The following COL1A1 variants were observed in gnomAD, a reference collection of about 807,000 sequenced individuals.
The protein encoded by COL1A1 is collagen type I alpha 1 chain.
A neutral mutation model predicts 195.7 loss-of-function variants in COL1A1; 21 were observed. That is an observed-to-expected ratio of 0.11 (90% CI 0.08 to 0.15). The LOEUF (loss-of-function observed/expected upper bound fraction) is 0.15. Ranked by LOEUF, COL1A1 falls within the 10% of genes least tolerant of loss-of-function variation. The pLI, the probability that COL1A1 is intolerant of heterozygous loss-of-function variation, is 1.00. For synonymous variants in COL1A1, 749 were observed against 747.3 expected (o/e 1.00, Z -0.04); for missense variants, 1,365 against 2,051.0 (o/e 0.67, Z 6.46).
At chr17:50,199,197 G>C in intron 5 of COL1A1, 29 bp downstream of exon 5, 3 of 1,439,214 alleles carry the variant, frequency 2.1e-6, no homozygotes, top group East Asian at 2.5e-5. Context: ...AAACAGGGGA[G>C]AGTGGACACA....
rs565562045 is a variant in COL1A1, at chr17:50,201,579, C to T, written c.-66G>A. 5.3e-4 allele frequency: 750 copies of T among 1,424,074 alleles called. 1 individual carries two copies. Among genetic ancestry groups the T allele is most frequent in the Non-Finnish European group, 6.6e-4 (689 of 1,047,062 alleles). 88.2% of individuals were successfully genotyped at this position (1,424,074 alleles called of 1,614,324 possible). Reference sequence around the variant, plus strand: ...GGGGTTAGCGTCCGCTCATGCGTGGCCTCACACTCCGCGTGCCTCCTGCTC... The same window carrying T: ...GGGGTTAGCGTCCGCTCATGCGTGGTCTCACACTCCGCGTGCCTCCTGCTC... On this transcript the variant is annotated 5_prime_UTR_variant, in exon 1 of 51. Transcript: ENST00000225964.
chr17:50,187,515 G>A lies in COL1A1; in HGVS notation c.3392C>T (p.Pro1131Leu). 1.9e-6 allele frequency: 3 copies of A among 1,614,080 alleles called. No homozygotes were observed. Among genetic ancestry groups the A allele is most frequent in the Non-Finnish European group, 1.7e-6 (2 of 1,180,008 alleles). The change falls in exon 46 of 51, where the codon CCC (proline) becomes CTC (leucine). Residue 1131 changes from proline (P) to leucine (L), a missense_variant. This residue lies in a region of COL1A1 where 671 missense variants were observed against 1,099.9 expected (regional missense o/e 0.61). Coordinates refer to ENST00000225964, the MANE Select transcript of COL1A1 (RefSeq NM_000088.4). The part of the protein sequence containing the change: ...GPPGSPGEQG[P>L]SGASGPAGPR... ...ACCAGCAGGACCAGAGGCTCCAGAG[G>A]GACCTTGTTCACCAGGAGAGCCCTG...
In COL1A1 at chr17:50,188,957, A is replaced by C. The variant is rs1300723574; in HGVS notation, c.2991T>G (p.Pro997=). ...PSGASGERGP[P]GPMGPPGLAG... ...CCAATCCAGGGGGGCCCATGGGACC[A>C]GGGGGACCACGTTCACCACTTGCTC... Residue 997 remains proline (P), a synonymous_variant, in exon 41 of 51, where the codon CCT becomes CCG. Transcript: ENST00000225964. This position sits in a 1 kb window ranked among gnomAD's most constrained non-coding sequence, Gnocchi z 5.6. 6.2e-7 allele frequency: 1 copy of C among 1,613,812 alleles called. No homozygotes were observed. Among genetic ancestry groups the C allele is most frequent in the Admixed American group, 1.7e-5 (1 of 60,014 alleles).
chr17:50,199,642 C>G (rs372452640), intron 2 of COL1A1, 52 bp from the exon 3 acceptor site: 17 of 1,613,080 alleles, frequency 1.1e-5, no homozygotes, highest in Non-Finnish European at 1.4e-5. Flanking sequence ...ATGCTGCTCC[C>G]GTCGGCAGAG....
At chr17:50,187,181 G>A in intron 46 of COL1A1, 59 bp from the exon 47 acceptor site, 7 of 1,376,742 alleles carry the variant, frequency 5.1e-6, no homozygotes, top group Non-Finnish European at 7.1e-6. Flanking sequence ...CCCCAGCTCT[G>A]GAGGAGAGGC....
rs1555574809 is a variant in COL1A1 at position 50,198,192 on chromosome 17, G to A, written c.557C>T (p.Pro186Leu). The part of the protein sequence containing the change: ...SVPGPMGPSG[P>L]RGLPGPPGAP... ...ACCAGGGGGGCCAGGGAGACCACGA[G>A]GACCAGAGGGACCCTATAGAGGGAG... Residue 186 changes from proline (P) to leucine (L), a missense_variant, in exon 7 of 51, where the codon CCT (proline) becomes CTT (leucine). Physicochemically the swap from Pro to Leu is moderately conservative, Grantham distance 98. Coordinates refer to ENST00000225964, the MANE Select transcript of COL1A1 (RefSeq NM_000088.4). 1 of 1,614,084 alleles carries A rather than the reference G, an allele frequency of 6.2e-7. No individual in the cohort carries two copies.
At position 50,187,555 on chromosome 17, in the gene COL1A1, A is replaced by G. The variant is rs1002020181; in HGVS notation, c.3370-18T>C. 1 of 1,613,840 alleles carries G rather than the reference A, an allele frequency of 6.2e-7. No homozygotes were observed. Among genetic ancestry groups the G allele is most frequent in the Non-Finnish European group, 8.5e-7 (1 of 1,179,916 alleles). On this transcript the variant is annotated intron_variant, in intron 45 of 50. Transcript: ENST00000225964. Reference sequence around the variant, plus strand: ...GGAGAGCCCTGAAGGACAGATAAAAAAGGCAGTTCAGGCCCAGTGAGCGTC... The same window carrying G: ...GGAGAGCCCTGAAGGACAGATAAAAGAGGCAGTTCAGGCCCAGTGAGCGTC...
rs774547182 is a variant in COL1A1 at position 50,186,902 on chromosome 17, T to A, written c.3552A>T (p.Gly1184=). 2 of 1,611,962 alleles carry A rather than the reference T, an allele frequency of 1.2e-6. No homozygotes were observed. The highest frequency in any genetic ancestry group is 1.7e-6 in the Non-Finnish European group (2 of 1,179,432). Residue 1184 remains glycine (G), a synonymous_variant, in exon 48 of 51, where the codon GGA becomes GGT. Coordinates refer to ENST00000225964, the MANE Select transcript of COL1A1 (RefSeq NM_000088.4). The surrounding 1 kb of genome is among the most constrained non-coding windows in gnomAD (Gnocchi z 5.3). The part of the protein sequence containing the change: ...AGPVGPPGPP[G]PPGPPGPPSA... The stretch of plus-strand genomic sequence containing the variant: ...TGGGAGGACCAGGGGGACCAGGAGG[T>A]CCAGGAGGGCCGGGGGGACCCTGCA...
In COL1A1 at chr17:50,195,409, G is replaced by A. The variant is rs1272348547; in HGVS notation, c.1200+25C>T. 1 of 1,614,098 alleles carries A rather than the reference G, an allele frequency of 6.2e-7. No individual in the cohort carries two copies. The highest frequency in any genetic ancestry group is 1.7e-5 in the Admixed American group (1 of 60,028). ...GGCAGGCTGCAGGCGGCAGGAGTGG[G>A]ACTGAAGCCTGGCAGGATACTTACA... On this transcript the variant is annotated intron_variant, in intron 18 of 50. Coordinates refer to ENST00000225964, the MANE Select transcript of COL1A1 (RefSeq NM_000088.4). This position sits in a 1 kb window ranked among gnomAD's most constrained non-coding sequence, Gnocchi z 4.3.
At chr17:50,200,103 A>C in intron 1 of COL1A1, 156 bp from the exon 2 acceptor site, 3 of 819,386 alleles carry the variant, frequency 3.7e-6, no homozygotes, top group Non-Finnish European at 6.1e-6. Context: ...CCTGCTCCTC[A>C]TCAGCGCGGG....
intron 25 of COL1A1, chr17:50,193,484 C>CTTTTTTTTTTTTTT: frequency 5.9e-6 from 1 of 168,938 alleles, no homozygotes; most frequent in Non-Finnish European, 1.2e-5. Flanking sequence ...TTTCTTTCTT[C>CTTTTTTTTTTTTTT]TTTTTTTTTT....
rs1907533793 is a variant in COL1A1, at chr17:50,195,841, G to A, written c.1056+82C>T. ...AACGGGCTGCTCTCTTGCCACTCTG[G>A]GTCCCTTTGGTTTGGGGAACAGGGA... On this transcript the variant is annotated intron_variant, in intron 16 of 50. Coordinates refer to ENST00000225964, the MANE Select transcript of COL1A1 (RefSeq NM_000088.4). This position sits in a 1 kb window ranked among gnomAD's most constrained non-coding sequence, Gnocchi z 4.3. 9 of 1,501,912 alleles carry A rather than the reference G, an allele frequency of 6.0e-6. No homozygotes were observed. Among genetic ancestry groups the A allele is most frequent in the Non-Finnish European group, 6.4e-6 (7 of 1,101,748 alleles). 93.0% of individuals were successfully genotyped at this position (1,501,912 alleles called of 1,614,324 possible).
Position 50,191,505 on chromosome 17 carries a change from A to G in COL1A1, c.2128-15T>C, listed in dbSNP as rs1490738044. ...CCAGCATCACCCTATGTGACAACCA[A>G]GAAGACTGGAGTGAGGCCTGGGGCC... On this transcript the variant is annotated splice_polypyrimidine_tract_variant and intron_variant, in intron 31 of 50. Transcript: ENST00000225964. 11 of 1,611,876 alleles carry G rather than the reference A, an allele frequency of 6.8e-6. No homozygotes were observed. The highest frequency in any genetic ancestry group is 9.3e-6 in the Non-Finnish European group (11 of 1,178,402).
At position 50,185,170 on chromosome 17, in the gene COL1A1, G is replaced by C. The variant is rs1380400933; in HGVS notation, c.*332C>G. ...AAAGGGCAGCATTGGGGTTTCATAAGCCCAACGGGCAGAAAGGGACTTACC... is the reference window on the plus strand; with the variant it reads ...AAAGGGCAGCATTGGGGTTTCATAACCCCAACGGGCAGAAAGGGACTTACC... On this transcript the variant is annotated 3_prime_UTR_variant, in exon 51 of 51. Transcript: ENST00000225964. 1 of 351,680 alleles carries C rather than the reference G, an allele frequency of 2.8e-6. No individual in the cohort carries two copies. The highest frequency in any genetic ancestry group is 4.5e-5 in the Admixed American group (1 of 22,018). 21.8% of individuals were successfully genotyped at this position (351,680 alleles called of 1,614,324 possible).
In COL1A1 at chr17:50,189,074, T is replaced by A; in HGVS notation, c.2938-64A>T. The stretch of plus-strand genomic sequence containing the variant: ...GGGAGGACCCTTGAGTCCGCTGGAG[T>A]CATCTCTACCAAATCTGTTCTCCTT... On this transcript the variant is annotated intron_variant, in intron 40 of 50. Coordinates refer to ENST00000225964, the MANE Select transcript of COL1A1 (RefSeq NM_000088.4). The surrounding 1 kb of genome is among the most constrained non-coding windows in gnomAD (Gnocchi z 5.5). The A allele has an allele frequency of 6.4e-7, 1 of 1,571,636 alleles. No individual in the cohort carries two copies. The highest frequency in any genetic ancestry group is 1.1e-5 in the South Asian group (1 of 90,234).
At position 50,191,866 on chromosome 17, in the gene COL1A1, G is replaced by A. The variant is rs149352055; in HGVS notation, c.2049C>T (p.Gly683=). The stretch of plus-strand genomic sequence containing the variant: ...CAGGGGGACCTTGCACACCACGCTC[G>A]CCAGGGAAACCTCTCTCGCCCTAGA... ...SGARGERGFP[G]ERGVQGPPGP... Residue 683 remains glycine (G), a synonymous_variant, in exon 31 of 51, where the codon GGC becomes GGT. Coordinates refer to ENST00000225964, the MANE Select transcript of COL1A1 (RefSeq NM_000088.4). 9 of 1,602,510 alleles carry A rather than the reference G, an allele frequency of 5.6e-6. No individual in the cohort carries two copies. Among genetic ancestry groups the A allele is most frequent in the Middle Eastern group, 1.6e-4 (1 of 6,066 alleles).
At position 50,197,940 on chromosome 17, in the gene COL1A1, A is replaced by G. The variant is rs765031083; in HGVS notation, c.642+9T>C. On this transcript the variant is annotated intron_variant, in intron 8 of 50. Coordinates refer to ENST00000225964, the MANE Select transcript of COL1A1 (RefSeq NM_000088.4). ...AGAAGGAGTATGAATCTGTATAGAG[A>G]GTGCTTACTGAAGCTCCAGGCTCGC... 3 of 1,613,816 alleles carry G rather than the reference A, an allele frequency of 1.9e-6. No individual in the cohort carries two copies. The highest frequency in any genetic ancestry group is 2.5e-6 in the Non-Finnish European group (3 of 1,179,790).
intron 25 of COL1A1, chr17:50,193,373 G>C (rs1038195082): frequency 2.1e-5 from 10 of 468,580 alleles, no homozygotes; most frequent in Middle Eastern, 5.9e-4. Flanking sequence ...TCAAAGGCCT[G>C]TCCTATCCCC....
Position 50,185,381 on chromosome 17 carries a change from C to A in COL1A1, c.*121G>T. ...AAGGAAAAAAATATTTTCCAAAGTCCATGTGAAATTGTCTCCCATTTTTTG... is the reference window on the plus strand; with the variant it reads ...AAGGAAAAAAATATTTTCCAAAGTCAATGTGAAATTGTCTCCCATTTTTTG... On this transcript the variant is annotated 3_prime_UTR_variant, in exon 51 of 51. Coordinates refer to ENST00000225964, the MANE Select transcript of COL1A1 (RefSeq NM_000088.4). 1 of 1,095,754 alleles carries A rather than the reference C, an allele frequency of 9.1e-7. No homozygotes were observed. The highest frequency in any genetic ancestry group is 1.4e-6 in the Non-Finnish European group (1 of 724,756). The allele number at this position is 1,095,754 out of a possible 1,614,324, so 67.9% of individuals were successfully genotyped here. A position where few individuals can be genotyped will look rare whatever the true frequency, so the allele number is the denominator to read the frequency against.
Sources: gnomAD v4.1 joint callset for allele counts on GRCh38, gnomAD v4.1.1 for gene constraint, gnomAD v4.1.1 regional missense constraint, Gnocchi (gnomAD v3.1) non-coding constraint, MANE v1.5 for transcripts, NCBI Gene and HGNC (gene_info 2026-07-23, HGNC 2026-07-21) for gene names.